ULK4: variants seen among roughly 807,000 people sequenced by gnomAD.
ULK4 encodes unc-51 like kinase 4.
Under a neutral mutation model 160.6 loss-of-function variants are expected in ULK4, and 133 were observed. The observed-to-expected ratio is 0.83, with a 90% CI of 0.72 to 0.96. The LOEUF is 0.96. ULK4 is among the 40% of genes least tolerant of loss of function. The pLI, the probability that ULK4 is intolerant of heterozygous loss-of-function variation, is 0.00. For synonymous variants in ULK4, 534 were observed against 539.8 expected (o/e 0.99, Z 0.15); for missense variants, 1,580 against 1,499.5 (o/e 1.05, Z -0.89).
chr3:41,630,212 A>T (rs1205533297), intron 30 of ULK4, among the ~76,000 whole-genome samples: 5 of 152,216 alleles, frequency 3.3e-5, no homozygotes, highest in Non-Finnish European at 7.4e-5. Flanking sequence ...CTGGTTAACC[A>T]TATCAGGATA....
intron 32 of ULK4, among the ~76,000 whole-genome samples, chr3:41,516,647 T>C (rs867308923): frequency 1.6e-5 from 2 of 125,814 alleles, no homozygotes; most frequent in Middle Eastern, 8.3e-3. Flanking sequence ...ATTGAACTCA[T>C]GAACATACAG....
intron 32 of ULK4, among the ~76,000 whole-genome samples, chr3:41,499,322 G>A (rs1575315813): frequency 6.6e-6 from 1 of 152,166 alleles, no homozygotes; most frequent in Non-Finnish European, 1.5e-5. Flanking sequence ...GAAGAGAAGA[G>A]TGCCTTGCTT....
intron 5 of ULK4, among the ~76,000 whole-genome samples, chr3:41,923,285 G>C (rs1041118231): frequency 6.6e-6 from 1 of 152,076 alleles, no homozygotes; most frequent in Admixed American, 6.5e-5. Context: ...GATCATTTGA[G>C]GTCAGGAGTT....
intron 17 of ULK4, among the ~76,000 whole-genome samples, chr3:41,881,284 T>TAAAAAAAAAAAAAAAAAAAAAAAAA (rs58977381): frequency 7.9e-6 from 1 of 126,280 alleles, no homozygotes; most frequent in African/African-American, 3.6e-5. Context: ...CAGAAACTTC[T>TAAAAAAAAAAAAAAAAAAAAAAAAA]AAAAAAAAAA....
At chr3:41,872,189 T>A (rs887551740) in intron 17 of ULK4, among the ~76,000 whole-genome samples, 2 of 152,132 alleles carry the variant, frequency 1.3e-5, no homozygotes, top group Admixed American at 6.5e-5. Context: ...AAGTTAAAGG[T>A]GTTTACCAAG....
intron 29 of ULK4, among the ~76,000 whole-genome samples, chr3:41,669,740 T>G (rs546900068): frequency 1.3e-5 from 2 of 151,544 alleles, no homozygotes; most frequent in Admixed American, 1.3e-4. Context: ...TTAGTACATC[T>G]ATATATGTAG....
chr3:41,584,871 TGAA>T (rs1457637677), intron 31 of ULK4, among the ~76,000 whole-genome samples: 11 of 152,012 alleles, frequency 7.2e-5, no homozygotes, highest in Admixed American at 4.6e-4. Flanking sequence ...ACAACCAATC[TGAA>T]GAAGAAGTAA....
chr3:41,709,472 C>T (rs764925435), intron 25 of ULK4, among the ~76,000 whole-genome samples: 9 of 152,064 alleles, frequency 5.9e-5, no homozygotes, highest in South Asian at 2.1e-4. Flanking sequence ...CTGCAACCTC[C>T]GCCTCCCGGG....
intron 22 of ULK4, among the ~76,000 whole-genome samples, chr3:41,748,965 C>T (rs1187437475): frequency 2.6e-5 from 4 of 152,152 alleles, no homozygotes; most frequent in Non-Finnish European, 4.4e-5. Flanking sequence ...CCCCCTGCCC[C>T]CAAAGCCCCA....
intron 35 of ULK4, among the ~76,000 whole-genome samples, chr3:41,311,032 A>G (rs1253788585): frequency 6.6e-6 from 1 of 151,772 alleles, no homozygotes; most frequent in African/African-American, 2.4e-5. Context: ...ATAAAAGGAA[A>G]GAAGGAAGGA....
intron 18 of ULK4, among the ~76,000 whole-genome samples, chr3:41,819,840 G>C (rs1488292614): frequency 6.6e-6 from 1 of 152,118 alleles, no homozygotes; most frequent in Non-Finnish European, 1.5e-5. Context: ...TGATAATACA[G>C]ATACAACTAT....
chr3:41,553,667 T>C (rs1201669208), intron 32 of ULK4, among the ~76,000 whole-genome samples: 1 of 152,110 alleles, frequency 6.6e-6, no homozygotes, highest in Non-Finnish European at 1.5e-5. Context: ...ACAGCCATTA[T>C]GAAAAATAAG....
intron 35 of ULK4, among the ~76,000 whole-genome samples, chr3:41,257,508 AC>A (rs2078855696): frequency 1.3e-5 from 2 of 151,924 alleles, no homozygotes; most frequent in South Asian, 4.2e-4. Flanking sequence ...GGTGGTGCAC[AC>A]CTGGTCCCAG....
At chr3:41,420,471 C>CT (rs1339143112) in intron 34 of ULK4, among the ~76,000 whole-genome samples, 958 of 62,938 alleles carry the variant, frequency 0.015, 34 homozygotes, top group East Asian at 0.059. Context: ...TTTTCCAGTT[C>CT]TTTCTTTTTT....
intron 30 of ULK4, among the ~76,000 whole-genome samples, chr3:41,648,846 G>C (rs1455382622): frequency 6.6e-6 from 1 of 152,106 alleles, no homozygotes. Flanking sequence ...TAAAAAGCCA[G>C]AAGTAGGCTA....
intron 21 of ULK4, among the ~76,000 whole-genome samples, chr3:41,761,892 A>G (rs1386404159): frequency 2.6e-5 from 4 of 152,062 alleles, no homozygotes. Flanking sequence ...CCTGGGCAAC[A>G]CAGCAAGACC....
intron 35 of ULK4, among the ~76,000 whole-genome samples, chr3:41,263,036 G>A (rs183569367): frequency 6.6e-6 from 1 of 152,288 alleles, no homozygotes; most frequent in Non-Finnish European, 1.5e-5. Context: ...GTTTTGCCCA[G>A]GAGGACCCAA....
chr3:41,522,543 C>A (rs989826798), intron 32 of ULK4, among the ~76,000 whole-genome samples: 1 of 152,072 alleles, frequency 6.6e-6, no homozygotes, highest in African/African-American at 2.4e-5. Context: ...CCTAGCCAAA[C>A]ACTAGGGAGA....
intron 25 of ULK4, among the ~76,000 whole-genome samples, chr3:41,712,814 C>T (rs1479401714): frequency 6.6e-6 from 1 of 152,090 alleles, no homozygotes; most frequent in African/African-American, 2.4e-5. Flanking sequence ...ATTGCTTGCG[C>T]CTGGGAGGCG....
Sources: gnomAD v4.1 joint callset for allele counts (sites outside exome capture counted in the v4.1 genomes callset) on GRCh38, gnomAD v4.1.1 for gene constraint, MANE v1.5 for transcripts, NCBI Gene and HGNC (gene_info 2026-07-23, HGNC 2026-07-21) for gene names.